Variants in PDSS2 observed in about 807,000 individuals in gnomAD.
PDSS2 encodes the protein all trans-polyprenyl-diphosphate synthase PDSS2.
Under a neutral mutation model 44.5 loss-of-function variants are expected in PDSS2, and 31 were observed. That is an observed-to-expected ratio of 0.70 (90% CI 0.52 to 0.94). The LOEUF is 0.94. PDSS2 is among the 40% of genes least tolerant of loss of function. The pLI, the probability that PDSS2 is intolerant of heterozygous loss-of-function variation, is 0.00. For missense variants in PDSS2, 452 were observed against 482.2 expected (o/e 0.94, Z 0.59); for synonymous variants, 157 against 180.3 (o/e 0.87, Z 1.03).
chr6:107,339,675 T>A (rs374673231), intron 1 of PDSS2, among the ~76,000 whole-genome samples: 1 of 150,388 alleles, frequency 6.6e-6, no homozygotes. Flanking sequence ...CTTGAGGAAG[T>A]GATGACTGAG....
chr6:107,224,954 A>T, intron 4 of PDSS2, among the ~76,000 whole-genome samples: 1 of 149,754 alleles, frequency 6.7e-6, no homozygotes. Context: ...CCACGGCTAC[A>T]GTCATATGAA....
chr6:107,240,687 C>T (rs990804668), intron 4 of PDSS2, among the ~76,000 whole-genome samples: 10 of 151,190 alleles, frequency 6.6e-5, no homozygotes, highest in South Asian at 4.2e-4. Flanking sequence ...CGTGAGCCAC[C>T]GCACCTGGCT....
chr6:107,210,332 A>C (rs1773154310), intron 6 of PDSS2, 107 bp downstream of exon 6: 5 of 827,836 alleles, frequency 6.0e-6, no homozygotes, highest in Non-Finnish European at 8.1e-6. Flanking sequence ...TGTTACGTGA[A>C]TATGCCTAAG....
chr6:107,267,109 T>C (rs1775434258), intron 3 of PDSS2, among the ~76,000 whole-genome samples: 2 of 152,212 alleles, frequency 1.3e-5, no homozygotes, highest in South Asian at 4.1e-4. Context: ...TTAAAACAAA[T>C]GATTACAGAA....
intron 1 of PDSS2, among the ~76,000 whole-genome samples, chr6:107,345,811 G>C (rs1461835119): frequency 7.9e-5 from 12 of 152,128 alleles, no homozygotes; most frequent in Non-Finnish European, 5.9e-5. Context: ...TATTTTTCCA[G>C]AATCAACATT....
At chr6:107,411,879 CTTTTTTT>C (rs145161415) in intron 1 of PDSS2, among the ~76,000 whole-genome samples, 4 of 93,866 alleles carry the variant, frequency 4.3e-5, no homozygotes, top group African/African-American at 4.0e-5. Context: ...TCTTCTTCTT[CTTTTTTT>C]TTTTTTTTTT....
chr6:107,309,723 C>A (rs1776973372), intron 2 of PDSS2, among the ~76,000 whole-genome samples: 1 of 152,140 alleles, frequency 6.6e-6, no homozygotes, highest in Admixed American at 6.5e-5. Context: ...TCTACAAAGT[C>A]CTTACATGAT....
chr6:107,417,091 T>G (rs1780684929), intron 1 of PDSS2, among the ~76,000 whole-genome samples: 1 of 152,046 alleles, frequency 6.6e-6, no homozygotes. Flanking sequence ...AAATAAAAAT[T>G]TTTTTAAAGA....
At position 107,316,158 on chromosome 6, in the gene PDSS2, TA is replaced by T. The variant is rs942840371; in HGVS notation, c.431+18039del. Among the ~76,000 whole-genome samples, 212 of 152,340 alleles carry T rather than the reference TA, an allele frequency of 1.4e-3. 1 individual carries two copies. The highest frequency in any genetic ancestry group is 4.9e-3 in the African/African-American group (203 of 41,590). ...AATGTTAACTGTAAGTCTGATTTAA[TA>T]ACTTGTCATGACCAAATTTTGAATT... On this transcript the variant is annotated intron_variant, in intron 2 of 7. Coordinates refer to ENST00000369037, the MANE Select transcript of PDSS2 (RefSeq NM_020381.4).
At chr6:107,416,273 T>C (rs1163829865) in intron 1 of PDSS2, among the ~76,000 whole-genome samples, 4 of 152,048 alleles carry the variant, frequency 2.6e-5, no homozygotes, top group Non-Finnish European at 4.4e-5. Flanking sequence ...TGGGGACCCA[T>C]GAGCCAGAGA....
chr6:107,319,627 G>A (rs2115164430), intron 2 of PDSS2, among the ~76,000 whole-genome samples: 1 of 152,306 alleles, frequency 6.6e-6, no homozygotes, highest in Non-Finnish European at 1.5e-5. Flanking sequence ...AAGTTACCTT[G>A]CCTACCCCTC....
chr6:107,175,612 T>C (rs1582739219), intron 7 of PDSS2, among the ~76,000 whole-genome samples: 1 of 152,242 alleles, frequency 6.6e-6, no homozygotes, highest in Non-Finnish European at 1.5e-5. Flanking sequence ...GCCATATTTA[T>C]AGAGATTGCA....
At chr6:107,447,071 C>T (rs1030279638) in intron 1 of PDSS2, among the ~76,000 whole-genome samples, 5 of 152,138 alleles carry the variant, frequency 3.3e-5, no homozygotes, top group Admixed American at 6.5e-5. Context: ...CAGTGGCTCA[C>T]GCCTGTAATC....
In PDSS2 at chr6:107,161,176, AG is replaced by A. The variant is rs1194972670; in HGVS notation, c.1042-6400del. Among the ~76,000 whole-genome samples, 2 of 151,338 alleles carry A rather than the reference AG, an allele frequency of 1.3e-5. 1 individual carries two copies. Among genetic ancestry groups the A allele is most frequent in the African/African-American group, 4.8e-5 (2 of 41,270 alleles). ...AGGCGTGAGCCACCACTCCCAGCCT[AG>A]GCTAAGAAATTTGTACTTTTTGGCC... On this transcript the variant is annotated intron_variant, in intron 7 of 7. Transcript: ENST00000369037.
At chr6:107,174,767 T>G (rs1771728010) in intron 7 of PDSS2, among the ~76,000 whole-genome samples, 1 of 152,154 alleles carries the variant, frequency 6.6e-6, no homozygotes, top group South Asian at 2.1e-4. Context: ...CAAAGAGAAT[T>G]TTAAATAGAT....
chr6:107,215,445 G>A (rs1487392017), intron 4 of PDSS2, among the ~76,000 whole-genome samples: 1 of 152,172 alleles, frequency 6.6e-6, no homozygotes, highest in Non-Finnish European at 1.5e-5. Flanking sequence ...TGATAGGGGT[G>A]TGTGTGTCAG....
chr6:107,289,067 G>A lies in PDSS2; in HGVS notation c.432-14840C>T, dbSNP rs185693136. Among the ~76,000 whole-genome samples, 7 of 149,910 alleles carry A rather than the reference G, an allele frequency of 4.7e-5. No homozygotes were observed. The East Asian group carries it at 1.5e-3, about 31-fold the overall frequency. On this transcript the variant is annotated intron_variant, in intron 2 of 7. Coordinates refer to ENST00000369037, the MANE Select transcript of PDSS2 (RefSeq NM_020381.4). ...CAGGCGTGAGTCACCGCGCCTGGCC[G>A]AAATTGATATTTTAAGAAATGGAGG...
chr6:107,324,996 AACT>A (rs1163288577), intron 2 of PDSS2, among the ~76,000 whole-genome samples: 1 of 152,130 alleles, frequency 6.6e-6, no homozygotes, highest in African/African-American at 2.4e-5. Flanking sequence ...ATAAATTATG[AACT>A]ACAATATTTG....
At chr6:107,437,795 G>A (rs890069873) in intron 1 of PDSS2, among the ~76,000 whole-genome samples, 1 of 152,146 alleles carries the variant, frequency 6.6e-6, no homozygotes, top group Non-Finnish European at 1.5e-5. Flanking sequence ...AAGGTCAACT[G>A]TATATGAAAT....
Sources: gnomAD v4.1 joint callset for allele counts (sites outside exome capture counted in the v4.1 genomes callset) on GRCh38, gnomAD v4.1.1 for gene constraint, MANE v1.5 for transcripts, NCBI Gene and HGNC (gene_info 2026-07-23, HGNC 2026-07-21) for gene names.